Variants in TERT observed in about 807,000 individuals in gnomAD.
TERT encodes telomerase reverse transcriptase.
Under a neutral mutation model 104.0 loss-of-function variants are expected in TERT, and 42 were observed. The ratio of observed to expected loss-of-function variants is 0.40; its 90% CI spans 0.32 to 0.52. The LOEUF is 0.52. Ranked by LOEUF, TERT falls within the 20% of genes least tolerant of loss-of-function variation. The pLI is 0.43. For missense variants in TERT, 1,101 were observed against 1,610.3 expected (o/e 0.68, Z 5.41); for synonymous variants, 781 against 725.6 (o/e 1.08, Z -1.23).
In TERT at chr5:1,271,125, CT is replaced by C. The variant is rs2126614292; in HGVS notation, c.2461del (p.Arg821GlyfsTer53). On this transcript the variant is annotated frameshift_variant, in exon 8 of 16. Coordinates refer to ENST00000310581, the MANE Select transcript of TERT (RefSeq NM_198253.3). LOFTEE classifies it high-confidence loss of function. ...ACCTGGCCACCTGACTCACTTGCCC[CT>C]GATGCGCACGGCGTGGTGGCACATG... Reference protein sequence around the residue: ...RFMCHHAVRIRGKSYVQCQGI... With the variant: ...RFMCHHAVRIXGKSYVQCQGI... 1 of 1,612,994 alleles carries C rather than the reference CT, an allele frequency of 6.2e-7. No homozygotes were observed. The highest frequency in any genetic ancestry group is 1.1e-5 in the South Asian group (1 of 91,076).
In TERT at chr5:1,294,993, G is replaced by C. The variant is rs1751304029; in HGVS notation, c.-4C>G. 8 of 1,314,860 alleles carry C rather than the reference G, an allele frequency of 6.1e-6. No homozygotes were observed. Among genetic ancestry groups the C allele is most frequent in the Non-Finnish European group, 5.8e-6 (6 of 1,039,542 alleles). The allele number at this position is 1,314,860 out of a possible 1,614,324, so 81.4% of individuals were successfully genotyped here. On this transcript the variant is annotated 5_prime_UTR_variant, in exon 1 of 16. Coordinates refer to ENST00000310581, the MANE Select transcript of TERT (RefSeq NM_198253.3). ...GGCAGCGGGGAGCGCGCGGCATCGC[G>C]GGGGTGGCCGGGGCCAGGGCTTCCC...
At position 1,278,807 on chromosome 5, in the gene TERT, G is replaced by A. The variant is rs954136124; in HGVS notation, c.2131-11C>T. On this transcript the variant is annotated splice_polypyrimidine_tract_variant and intron_variant, in intron 5 of 15. Transcript: ENST00000310581. The stretch of plus-strand genomic sequence containing the variant: ...GCCCGTCACATCCACCTGTGTGAGT[G>A]GAGGCGAGGAGACTGACAGTGGCCA... 6.2e-7 allele frequency: 1 copy of A among 1,613,716 alleles called. No individual in the cohort carries two copies. Among genetic ancestry groups the A allele is most frequent in the Non-Finnish European group, 8.5e-7 (1 of 1,180,028 alleles).
chr5:1,294,302 C>A lies in TERT; in HGVS notation c.584G>T (p.Arg195Met). The A allele has an allele frequency of 6.3e-7, 1 of 1,593,086 alleles. No homozygotes were observed. Among genetic ancestry groups the A allele is most frequent in the East Asian group, 2.3e-5 (1 of 44,428 alleles). ...RPPPHASGPR[R>M]RLGCERAWNH... ...CCAGGCCCGTTCGCATCCCAGACGC[C>A]TTCGGGGTCCACTAGCGTGTGGCGG... Residue 195 changes from arginine (R) to methionine (M), a missense_variant, in exon 2 of 16, where the codon AGG (arginine) becomes ATG (methionine). Physicochemically the swap from Arg to Met is moderately conservative, Grantham distance 91 (BLOSUM62 -1). This residue lies in a region of TERT where 504 missense variants were observed against 544.6 expected (regional missense o/e 0.93). Transcript: ENST00000310581.
Position 1,294,214 on chromosome 5 carries a change from G to C in TERT, c.672C>G (p.Arg224=), listed in dbSNP as rs996032219. ...GCAGACTTCGGCTGGCACTGCCCCC[G>C]CGCCTCCTCGCACCCGGGGCTGGCA... is the stretch of plus-strand genomic sequence containing the variant. ...LGLPAPGARR[R]GGSASRSLPL... The change falls in exon 2 of 16, where the codon CGC becomes CGG. Residue 224 remains arginine, a synonymous_variant. Coordinates refer to ENST00000310581, the MANE Select transcript of TERT (RefSeq NM_198253.3). 1.9e-6 allele frequency: 3 copies of C among 1,582,354 alleles called. No homozygotes were observed. The highest frequency in any genetic ancestry group is 2.6e-6 in the Non-Finnish European group (3 of 1,169,830).
chr5:1,264,925 C>T (rs1433197594), intron 10 of TERT, among the ~76,000 whole-genome samples: 1 of 152,242 alleles, frequency 6.6e-6, no homozygotes, highest in South Asian at 2.1e-4. Context: ...CCGTTATAGA[C>T]TCATCTGTGG....
rs1748849831 is a variant in TERT at position 1,269,260 on chromosome 5, T to A, written c.2469-627A>T. Among the ~76,000 whole-genome samples the A allele has an allele frequency of 6.6e-6, 1 of 152,188 alleles. No individual in the cohort carries two copies. The highest frequency in any genetic ancestry group is 1.5e-5 in the Non-Finnish European group (1 of 68,034). On this transcript the variant is annotated intron_variant, in intron 8 of 15. Transcript: ENST00000310581. This position sits in a 1 kb window ranked among gnomAD's most constrained non-coding sequence, Gnocchi z 9.0. Reference sequence around the variant, plus strand: ...CTGTTGCTAAGAGACGCTTGCAGCCTACTGCAAAAACAAGACCTGTTATTT... The same window carrying A: ...CTGTTGCTAAGAGACGCTTGCAGCCAACTGCAAAAACAAGACCTGTTATTT...
chr5:1,293,140 G>C (rs1044769052), intron 2 of TERT, among the ~76,000 whole-genome samples, 173 bp downstream of exon 2: 5 of 152,238 alleles, frequency 3.3e-5, no homozygotes, highest in African/African-American at 1.2e-4. Flanking sequence ...AACTGGACAG[G>C]AGGGAGAGCA....
rs927973224 is a variant in TERT at position 1,263,353 on chromosome 5, C to T, written c.2843+1051G>A. On this transcript the variant is annotated intron_variant, in intron 11 of 15. Coordinates refer to ENST00000310581, the MANE Select transcript of TERT (RefSeq NM_198253.3). This position sits in a 1 kb window ranked among gnomAD's most constrained non-coding sequence, Gnocchi z 5.3. ...CTAGCACAGCACCAGTAAATATTATCGAAGGACAGAATAAAAAAACACCTG... is the reference window on the plus strand; with the variant it reads ...CTAGCACAGCACCAGTAAATATTATTGAAGGACAGAATAAAAAAACACCTG... Among the ~76,000 whole-genome samples the T allele has an allele frequency of 2.0e-5, 3 of 151,874 alleles. No homozygotes were observed. Among genetic ancestry groups the T allele is most frequent in the Admixed American group, 1.3e-4 (2 of 15,266 alleles).
intron 6 of TERT, among the ~76,000 whole-genome samples, chr5:1,276,640 C>T (rs1749616698): frequency 6.6e-6 from 1 of 151,006 alleles, no homozygotes; most frequent in Non-Finnish European, 1.5e-5. Context: ...TCTCCACCTA[C>T]ACCACACATG....
In TERT at chr5:1,253,661, G is replaced by A. The variant is rs1747495725; in HGVS notation, c.*67C>T. The A allele has an allele frequency of 1.4e-6, 2 of 1,404,758 alleles. No homozygotes were observed. The highest frequency in any genetic ancestry group is 2.3e-5 in the East Asian group (1 of 42,846). 87.0% of individuals were successfully genotyped at this position (1,404,758 alleles called of 1,614,324 possible). A position where few individuals can be genotyped will look rare whatever the true frequency, so the allele number is the denominator to read the frequency against. On this transcript the variant is annotated 3_prime_UTR_variant, in exon 16 of 16. Coordinates refer to ENST00000310581, the MANE Select transcript of TERT (RefSeq NM_198253.3). Reference sequence around the variant, plus strand: ...GGTGTGGGCCGCCCCTCCCTCCCTGGGACGTAGAGCCCGGCGTGACAGGGC... The same window carrying A: ...GGTGTGGGCCGCCCCTCCCTCCCTGAGACGTAGAGCCCGGCGTGACAGGGC...
rs972059723 is a variant in TERT at position 1,288,979 on chromosome 5, G to A, written c.1573+4334C>T. Among the ~76,000 whole-genome samples, 1 of 152,178 alleles carries A rather than the reference G, an allele frequency of 6.6e-6. No individual in the cohort carries two copies. The highest frequency in any genetic ancestry group is 1.5e-5 in the Non-Finnish European group (1 of 68,024). On this transcript the variant is annotated intron_variant, in intron 2 of 15. Transcript: ENST00000310581. The surrounding 1 kb of genome is among the most constrained non-coding windows in gnomAD (Gnocchi z 5.3). ...AGGCTTGGGGACCAGCACTGCGCCT[G>A]CACCATCTACCCAGGCAATGGGCAA... is the stretch of plus-strand genomic sequence containing the variant.
chr5:1,259,530 AG>A (rs1748038586), intron 12 of TERT, among the ~76,000 whole-genome samples: 1 of 99,784 alleles, frequency 1.0e-5, no homozygotes, highest in Non-Finnish European at 1.9e-5. Context: ...CACAGGAGAG[AG>A]GGAGCAGACG....
At chr5:1,258,068 C>T (rs566573089) in intron 13 of TERT, among the ~76,000 whole-genome samples, 2 of 152,238 alleles carry the variant, frequency 1.3e-5, no homozygotes, top group African/African-American at 4.8e-5. Context: ...CCCTGACCAG[C>T]CAGGACAGGG....
At position 1,280,280 on chromosome 5, in the gene TERT, G is replaced by C. The variant is rs747940807; in HGVS notation, c.1828C>G (p.Arg610Gly). The C allele has an allele frequency of 6.2e-7, 1 of 1,613,700 alleles. No homozygotes were observed. Among genetic ancestry groups the C allele is most frequent in the Non-Finnish European group, 8.5e-7 (1 of 1,180,030 alleles). ...ELSEAEVRQH[R>G]EARPALLTSR... ...GTCAGCAGGGCGGGCCTGGCTTCCC[G>C]ATGCTGCCTGACCTCTGCTTCCGAC... Residue 610 changes from arginine to glycine, a missense_variant, in exon 4 of 16, where the codon CGG becomes GGG. By Grantham distance (125) the Arg-to-Gly change is moderately radical. Coordinates refer to ENST00000310581, the MANE Select transcript of TERT (RefSeq NM_198253.3).
intron 15 of TERT, 118 bp from the exon 16 acceptor site, chr5:1,253,949 G>T: frequency 8.9e-7 from 1 of 1,128,250 alleles, no homozygotes; most frequent in Non-Finnish European, 1.3e-6. Context: ...CCTGGCTGGT[G>T]GGAACCTCAG....
Position 1,294,244 on chromosome 5 carries a change from CA to C in TERT, c.641del (p.Leu214ArgfsTer137). 6.3e-7 allele frequency: 1 copy of C among 1,589,834 alleles called. No homozygotes were observed. On this transcript the variant is annotated frameshift_variant, in exon 2 of 16. Transcript: ENST00000310581. LOFTEE classifies it high-confidence loss of function. ...NHSVREAGVP[L>X]GLPAPGARRR... Reference sequence around the variant, plus strand: ...TCCTCGCACCCGGGGCTGGCAGGCCCAGGGGGACCCCGGCCTCCCTGACGCT... The same window carrying C: ...TCCTCGCACCCGGGGCTGGCAGGCCCGGGGGACCCCGGCCTCCCTGACGCT...
intron 7 of TERT, 132 bp downstream of exon 7, chr5:1,272,053 G>A (rs1749076530): frequency 2.5e-6 from 2 of 809,120 alleles, no homozygotes; most frequent in East Asian, 5.3e-5. Flanking sequence ...AGCTCATCAT[G>A]CCCCCATCAC....
rs1295657479 is a variant in TERT at position 1,294,039 on chromosome 5, T to G, written c.847A>C (p.Thr283Pro). The change falls in exon 2 of 16, where the codon ACC (threonine) becomes CCC (proline). Residue 283 changes from threonine (T) to proline (P), a missense_variant. Transcript: ENST00000310581. ...CCAGAGAGCGCACCCTCCAAAGAGG[T>G]GGCTTCTTCGGCGGGTCTGGCAGGT... is the stretch of plus-strand genomic sequence containing the variant. ...VSPARPAEEA[T>P]SLEGALSGTR... 1.9e-6 allele frequency: 3 copies of G among 1,599,534 alleles called. No homozygotes were observed. The highest frequency in any genetic ancestry group is 2.6e-6 in the Non-Finnish European group (3 of 1,174,770).
chr5:1,288,870 G>A lies in TERT; in HGVS notation c.1573+4443C>T, dbSNP rs1042863181. Among the ~76,000 whole-genome samples, 2 of 152,192 alleles carry A rather than the reference G, an allele frequency of 1.3e-5. No individual in the cohort carries two copies. The highest frequency in any genetic ancestry group is 2.9e-5 in the Non-Finnish European group (2 of 68,024). ...GCTGTGGCTGCAGTGCCTGGCACGC[G>A]GGAGGCGAGAGCCTGCAGTCCCGTG... On this transcript the variant is annotated intron_variant, in intron 2 of 15. Coordinates refer to ENST00000310581, the MANE Select transcript of TERT (RefSeq NM_198253.3). This position sits in a 1 kb window ranked among gnomAD's most constrained non-coding sequence, Gnocchi z 5.3.
Sources: gnomAD v4.1 joint callset for allele counts (sites outside exome capture counted in the v4.1 genomes callset) on GRCh38, gnomAD v4.1.1 for gene constraint, gnomAD v4.1.1 regional missense constraint, Gnocchi (gnomAD v3.1) non-coding constraint, MANE v1.5 for transcripts, NCBI Gene and HGNC (gene_info 2026-07-23, HGNC 2026-07-21) for gene names.